TMPRSS15: variants seen among roughly 807,000 people sequenced by gnomAD.
TMPRSS15 encodes the protein transmembrane serine protease 15, also known as enteropeptidase.
Under a neutral mutation model 125.3 loss-of-function variants are expected in TMPRSS15, and 128 were observed. The ratio of observed to expected loss-of-function variants is 1.02; its 90% CI spans 0.89 to 1.18. TMPRSS15 has a LOEUF of 1.18. Ranked by LOEUF, TMPRSS15 falls within the 50% of genes most tolerant of loss-of-function variation. TMPRSS15 has a pLI of 0.00. For synonymous variants in TMPRSS15, 446 were observed against 423.2 expected (o/e 1.05, Z -0.66); for missense variants, 1,283 against 1,212.7 (o/e 1.06, Z -0.86).
At chr21:18,347,641 CTGT>C (rs1460819281) in intron 10 of TMPRSS15, among the ~76,000 whole-genome samples, 3 of 152,076 alleles carry the variant, frequency 2.0e-5, no homozygotes, top group Non-Finnish European at 4.4e-5. Flanking sequence ...AATTAGCTGT[CTGT>C]TGTTTAACAT....
intron 18 of TMPRSS15, among the ~76,000 whole-genome samples, chr21:18,307,630 T>C (rs1377289513): frequency 6.6e-6 from 1 of 152,174 alleles, no homozygotes; most frequent in Non-Finnish European, 1.5e-5. Flanking sequence ...TACAATATCA[T>C]CACCTGTGCT....
intron 1 of TMPRSS15, among the ~76,000 whole-genome samples, chr21:18,415,230 T>G (rs2076176911): frequency 6.6e-6 from 1 of 152,156 alleles, no homozygotes; most frequent in Non-Finnish European, 1.5e-5. Context: ...TATTGATTTG[T>G]GAGTTCCTTA....
Position 18,352,262 on chromosome 21 carries a change from C to T in TMPRSS15, c.1171+641G>A, listed in dbSNP as rs187741554. The stretch of plus-strand genomic sequence containing the variant: ...CAAAATATTATTGTCTCTAATATTT[C>T]CACCTGGCATCAATTCTAATATCTC... On this transcript the variant is annotated intron_variant, in intron 10 of 24. Coordinates refer to ENST00000284885, the MANE Select transcript of TMPRSS15 (RefSeq NM_002772.3). Among the ~76,000 whole-genome samples the T allele has an allele frequency of 1.5e-4, 23 of 152,112 alleles. No homozygotes were observed. In the East Asian group the frequency reaches 3.9e-3, roughly 26 times the overall value.
At chr21:18,339,543 G>T (rs1285324654) in intron 13 of TMPRSS15, among the ~76,000 whole-genome samples, 1 of 152,142 alleles carries the variant, frequency 6.6e-6, no homozygotes, top group Non-Finnish European at 1.5e-5. Context: ...AGTATTAAGT[G>T]TGCTTCAAAG....
chr21:18,294,227 G>C (rs2074872706), intron 21 of TMPRSS15, 43 bp downstream of exon 21: 2 of 1,612,182 alleles, frequency 1.2e-6, no homozygotes, highest in Non-Finnish European at 1.7e-6. Flanking sequence ...AGTGTCTGCT[G>C]TGGTGACCTA....
chr21:18,414,729 A>G (rs962562076), intron 1 of TMPRSS15, among the ~76,000 whole-genome samples: 3 of 152,204 alleles, frequency 2.0e-5, no homozygotes, highest in Admixed American at 6.5e-5. Flanking sequence ...TTATGCATAT[A>G]TCACATGCTT....
At chr21:18,416,189 G>A (rs920735799) in intron 1 of TMPRSS15, among the ~76,000 whole-genome samples, 2 of 151,852 alleles carry the variant, frequency 1.3e-5, no homozygotes, top group South Asian at 2.1e-4. Context: ...TGGATTGGAC[G>A]ACTTAATATT....
intron 3 of TMPRSS15, among the ~76,000 whole-genome samples, chr21:18,395,687 G>A (rs2076028202): frequency 6.6e-6 from 1 of 151,980 alleles, no homozygotes; most frequent in South Asian, 2.1e-4. Context: ...AATTTTTTTA[G>A]TGTTATTATG....
At chr21:18,279,311 CT>C (rs71189593) in intron 22 of TMPRSS15, among the ~76,000 whole-genome samples, 410 of 41,030 alleles carry the variant, frequency 1.0e-2, no homozygotes, top group Non-Finnish European at 0.012. Flanking sequence ...CCTCGTTACT[CT>C]TTTTTTTTTT....
At chr21:18,304,081 T>G (rs989331254) in intron 18 of TMPRSS15, among the ~76,000 whole-genome samples, 1 of 152,312 alleles carries the variant, frequency 6.6e-6, no homozygotes, top group Middle Eastern at 3.4e-3. Flanking sequence ...TTCTCAGATT[T>G]CTGATGCAGG....
intron 1 of TMPRSS15, among the ~76,000 whole-genome samples, chr21:18,420,501 C>G (rs2076190040): frequency 6.6e-6 from 1 of 152,134 alleles, no homozygotes; most frequent in Non-Finnish European, 1.5e-5. Flanking sequence ...CTAGCCATAC[C>G]TTGGATTTAG....
chr21:18,327,402 G>T (rs1228212852), intron 15 of TMPRSS15, among the ~76,000 whole-genome samples: 2 of 152,114 alleles, frequency 1.3e-5, no homozygotes, highest in Non-Finnish European at 2.9e-5. Flanking sequence ...CCAAATTTCA[G>T]ATTCCTCAGT....
intron 1 of TMPRSS15, among the ~76,000 whole-genome samples, chr21:18,455,657 T>C (rs1978426448): frequency 6.6e-6 from 1 of 152,182 alleles, no homozygotes; most frequent in Non-Finnish European, 1.5e-5. Flanking sequence ...TACTTACCCT[T>C]CATTCCTGTT....
chr21:18,315,806 C>T (rs1257670913), intron 16 of TMPRSS15, among the ~76,000 whole-genome samples: 3 of 146,184 alleles, frequency 2.1e-5, no homozygotes, highest in Admixed American at 6.8e-5. Context: ...AACAAACCTG[C>T]ACGTTGTGCA....
chr21:18,303,532 A>G (rs946343897), intron 18 of TMPRSS15, among the ~76,000 whole-genome samples: 2 of 152,202 alleles, frequency 1.3e-5, no homozygotes, highest in African/African-American at 2.4e-5. Flanking sequence ...AAGCAGAATG[A>G]ATAAGGAAGG....
At chr21:18,450,275 T>C (rs2076265009) in intron 1 of TMPRSS15, among the ~76,000 whole-genome samples, 1 of 152,098 alleles carries the variant, frequency 6.6e-6, no homozygotes, top group South Asian at 2.1e-4. Flanking sequence ...GTTTTTTTTT[T>C]CTAGCATATA....
chr21:18,285,762 C>T (rs940222287), intron 21 of TMPRSS15, among the ~76,000 whole-genome samples: 1 of 152,082 alleles, frequency 6.6e-6, no homozygotes, highest in African/African-American at 2.4e-5. Context: ...ATTATCATTA[C>T]CACAGTTAAA....
chr21:18,390,210 ACACAGTAACATGCCTGTG>A (rs2075979310), intron 3 of TMPRSS15, among the ~76,000 whole-genome samples: 1 of 152,170 alleles, frequency 6.6e-6, no homozygotes, highest in Non-Finnish European at 1.5e-5. Context: ...GGACTCCTTC[ACACAGTAACATGCCTGTG>A]CTTTTGGAGA....
At chr21:18,477,042 G>A (rs1978892951) in intron 1 of TMPRSS15, among the ~76,000 whole-genome samples, 1 of 152,018 alleles carries the variant, frequency 6.6e-6, no homozygotes, top group African/African-American at 2.4e-5. Flanking sequence ...AGTGAAAAGT[G>A]TTTCTGAAAA....
Sources: allele counts gnomAD v4.1 joint callset (sites outside exome capture counted in the v4.1 genomes callset), GRCh38; gene constraint gnomAD v4.1.1; transcripts MANE v1.5; gene names NCBI Gene and HGNC (gene_info 2026-07-23, HGNC 2026-07-21).